Variants in C1QTNF1 observed in about 807,000 individuals in gnomAD.
C1QTNF1 encodes complement C1q tumor necrosis factor-related protein 1.
C1QTNF1 carries 22 observed loss-of-function variants against 27.8 expected under a neutral mutation model. The observed-to-expected ratio is 0.79, with a 90% CI of 0.56 to 1.13. The LOEUF (loss-of-function observed/expected upper bound fraction) is 1.13, where lower values mean the gene tolerates loss of function less well. C1QTNF1 is among the 50% of genes most tolerant of loss of function. The probability of loss-of-function intolerance (pLI) is 0.00; values close to 1 mark genes in which losing one functional copy is unlikely to be tolerated. For synonymous variants in C1QTNF1, 166 were observed against 154.3 expected (o/e 1.08, Z -0.56); for missense variants, 373 against 380.2 (o/e 0.98, Z 0.16).
rs760309832 is a variant in C1QTNF1, at chr17:79,046,728, C to G, written c.295+34C>G. On this transcript the variant is annotated intron_variant, in intron 3 of 3. Transcript: ENST00000579760. This position sits in a 1 kb window ranked among gnomAD's most constrained non-coding sequence, Gnocchi z 4.8. The stretch of plus-strand genomic sequence containing the variant: ...GCTGCAAAGACAAGCACGGGGTGGC[C>G]GGGCTGCTCTGTGCTGATCCGGAGG... The G allele has an allele frequency of 2.5e-5, 41 of 1,613,248 alleles. 1 individual carries two copies. The highest frequency in any genetic ancestry group is 9.3e-5 in the African/African-American group (7 of 75,028).
At chr17:79,043,400 T>G in intron 1 of C1QTNF1, 1 of 451,496 alleles carries the variant, frequency 2.2e-6, no homozygotes, top group South Asian at 1.6e-5. Flanking sequence ...TGTATGTGCA[T>G]GTGAGTGTGA....
chr17:79,048,099 ACCT>A lies in C1QTNF1; in HGVS notation c.*15_*17del. The A allele has an allele frequency of 6.7e-7, 1 of 1,499,246 alleles. No homozygotes were observed. Among genetic ancestry groups the A allele is most frequent in the Non-Finnish European group, 8.8e-7 (1 of 1,130,498 alleles). 92.9% of individuals were successfully genotyped at this position (1,499,246 alleles called of 1,614,324 possible). A position where few individuals can be genotyped will look rare whatever the true frequency, so the allele number is the denominator to read the frequency against. ...GCCACCGAGCCCTAGCTGGCCGGCCACCTCCTTTCCTCTCGCCACCTTCCACCC... is the reference window on the plus strand; with the variant it reads ...GCCACCGAGCCCTAGCTGGCCGGCCACCTTTCCTCTCGCCACCTTCCACCC... On this transcript the variant is annotated 3_prime_UTR_variant, in exon 4 of 4. Transcript: ENST00000579760.
Position 79,045,090 on chromosome 17 carries a change from C to T in C1QTNF1, c.155+967C>T, listed in dbSNP as rs909342141. 2.0e-5 allele frequency among the ~76,000 whole-genome samples: 3 copies of T among 152,002 alleles called. No homozygotes were observed. The South Asian group carries it at 6.2e-4, about 31-fold the overall frequency. ...CTTTGTAGTAGGGGTGTACCCATGACGCTGGAGGCAGGGCCAGGAGAGGGA... is the reference window on the plus strand; with the variant it reads ...CTTTGTAGTAGGGGTGTACCCATGATGCTGGAGGCAGGGCCAGGAGAGGGA... On this transcript the variant is annotated intron_variant, in intron 2 of 3. Transcript: ENST00000579760.
chr17:79,048,238 T>C lies in C1QTNF1; in HGVS notation c.*150T>C. 1.3e-6 allele frequency: 1 copy of C among 776,474 alleles called. No homozygotes were observed. The highest frequency in any genetic ancestry group is 2.0e-6 in the Non-Finnish European group (1 of 509,682). The allele number at this position is 776,474 out of a possible 1,614,324, so 48.1% of individuals were successfully genotyped here. ...CACAGAAAGCCAAAGCGATCGGTGC[T>C]CCCAGATCCCGCAGCCTCTGGAGAG... On this transcript the variant is annotated 3_prime_UTR_variant, in exon 4 of 4. Transcript: ENST00000579760.
At chr17:79,032,595 C>T (rs1025222575) in intron 1 of C1QTNF1, among the ~76,000 whole-genome samples, 6 of 152,040 alleles carry the variant, frequency 3.9e-5, no homozygotes, top group African/African-American at 1.4e-4. Context: ...AGGGGGCTGG[C>T]GATGGATGAG....
intron 1 of C1QTNF1, among the ~76,000 whole-genome samples, chr17:79,039,502 A>C (rs1010373026): frequency 1.3e-5 from 2 of 152,130 alleles, no homozygotes; most frequent in African/African-American, 4.8e-5. Flanking sequence ...AAAATACAAA[A>C]ATTAGCCGGG....
At chr17:79,045,562 C>A (rs1471839192) in intron 2 of C1QTNF1, among the ~76,000 whole-genome samples, 2 of 152,126 alleles carry the variant, frequency 1.3e-5, no homozygotes, top group East Asian at 3.9e-4. Flanking sequence ...TGCCTTTTGG[C>A]TGGGAGCCCA....
intron 1 of C1QTNF1, chr17:79,025,958 T>G: frequency 2.3e-6 from 1 of 433,276 alleles, no homozygotes; most frequent in Non-Finnish European, 4.7e-6. Context: ...GCTTCTCACA[T>G]GGCAGGCGCT....
At chr17:79,031,554 C>A (rs573976275) in intron 1 of C1QTNF1, among the ~76,000 whole-genome samples, 65 of 152,188 alleles carry the variant, frequency 4.3e-4, no homozygotes, top group Non-Finnish European at 6.5e-4. Context: ...TCAAGCAATT[C>A]TCCTGCCTCA....
In C1QTNF1 at chr17:79,046,888, A is replaced by G. The variant is rs2145933229; in HGVS notation, c.295+194A>G. 4 of 722,404 alleles carry G rather than the reference A, an allele frequency of 5.5e-6. No homozygotes were observed. Among genetic ancestry groups the G allele is most frequent in the Non-Finnish European group, 8.7e-6 (4 of 457,932 alleles). 44.7% of individuals were successfully genotyped at this position (722,404 alleles called of 1,614,324 possible). On this transcript the variant is annotated intron_variant, in intron 3 of 3. Transcript: ENST00000579760. The surrounding 1 kb of genome is among the most constrained non-coding windows in gnomAD (Gnocchi z 4.8). ...GATTTTGAGGCTCTGGCCCCTCTCCAAGAGGAGGGGTTGGAAAGGGGCCCA... is the reference window on the plus strand; with the variant it reads ...GATTTTGAGGCTCTGGCCCCTCTCCGAGAGGAGGGGTTGGAAAGGGGCCCA...
rs1382722292 is a variant in C1QTNF1, at chr17:79,048,356, C to A, written c.*268C>A. ...TCTCTGCACACATCCTCAAGTGACC[C>A]CGCACGGCGAGACGCGGGTGGCGGC... On this transcript the variant is annotated 3_prime_UTR_variant, in exon 4 of 4. Coordinates refer to ENST00000579760, the MANE Select transcript of C1QTNF1 (RefSeq NM_030968.5). 1 of 390,104 alleles carries A rather than the reference C, an allele frequency of 2.6e-6. No individual in the cohort carries two copies. Among genetic ancestry groups the A allele is most frequent in the Non-Finnish European group, 4.5e-6 (1 of 220,578 alleles). 24.2% of individuals were successfully genotyped at this position (390,104 alleles called of 1,614,324 possible).
intron 1 of C1QTNF1, chr17:79,034,190 G>C (rs1263136166): frequency 6.6e-6 from 1 of 152,474 alleles, no homozygotes; most frequent in Non-Finnish European, 1.5e-5. Context: ...CCTCTGTTTT[G>C]GGAGCGGTCG....
rs565167757 is a variant in C1QTNF1 at position 79,035,074 on chromosome 17, C to T, written c.-14-8881C>T. The stretch of plus-strand genomic sequence containing the variant: ...ACTCTGCCCGCCTCCTGCCCATCAC[C>T]GGAGGAGTTTGGTCATTGGGCAATT... On this transcript the variant is annotated intron_variant, in intron 1 of 3. Coordinates refer to ENST00000579760, the MANE Select transcript of C1QTNF1 (RefSeq NM_030968.5). 6.4e-4 allele frequency among the ~76,000 whole-genome samples: 98 copies of T among 152,262 alleles called. 1 individual carries two copies. The highest frequency in any genetic ancestry group is 2.0e-3 in the African/African-American group (83 of 41,552).
chr17:79,026,549 A>G (rs1481029878), intron 1 of C1QTNF1, among the ~76,000 whole-genome samples: 2 of 152,224 alleles, frequency 1.3e-5, no homozygotes, highest in Admixed American at 1.3e-4. Flanking sequence ...CCCAGCTGCT[A>G]ACAGAGAATG....
Position 79,048,236 on chromosome 17 carries a change from G to A in C1QTNF1, c.*148G>A. 1.3e-6 allele frequency: 1 copy of A among 795,878 alleles called. No homozygotes were observed. The highest frequency in any genetic ancestry group is 1.9e-6 in the Non-Finnish European group (1 of 526,432). The allele number at this position is 795,878 out of a possible 1,614,324, so 49.3% of individuals were successfully genotyped here. ...CACACAGAAAGCCAAAGCGATCGGT[G>A]CTCCCAGATCCCGCAGCCTCTGGAG... On this transcript the variant is annotated 3_prime_UTR_variant, in exon 4 of 4. Coordinates refer to ENST00000579760, the MANE Select transcript of C1QTNF1 (RefSeq NM_030968.5).
At chr17:79,038,012 C>T (rs145731828) in intron 1 of C1QTNF1, among the ~76,000 whole-genome samples, 38 of 149,152 alleles carry the variant, frequency 2.5e-4, no homozygotes, top group East Asian at 4.0e-4. Flanking sequence ...TTTTTTGAGA[C>T]GGAGTCTCAC....
At chr17:79,028,894 G>A (rs899381883) in intron 1 of C1QTNF1, among the ~76,000 whole-genome samples, 22 of 152,022 alleles carry the variant, frequency 1.4e-4, no homozygotes, top group African/African-American at 5.3e-4. Flanking sequence ...GTGTGTGTGT[G>A]TGTGTGTGTG....
intron 1 of C1QTNF1, among the ~76,000 whole-genome samples, chr17:79,028,296 C>T (rs1211470734): frequency 6.6e-6 from 1 of 152,212 alleles, no homozygotes; most frequent in African/African-American, 2.4e-5. Flanking sequence ...TGGGTTGTAC[C>T]CATCCCCCTC....
chr17:79,035,282 G>C (rs571570496), intron 1 of C1QTNF1, among the ~76,000 whole-genome samples: 1 of 152,140 alleles, frequency 6.6e-6, no homozygotes, highest in East Asian at 1.9e-4. Context: ...TCAGAGCCGA[G>C]GGGGAGTGGA....
Sources: gnomAD v4.1 joint callset for allele counts (sites outside exome capture counted in the v4.1 genomes callset) on GRCh38, gnomAD v4.1.1 for gene constraint, Gnocchi (gnomAD v3.1) non-coding constraint, MANE v1.5 for transcripts, NCBI Gene and HGNC (gene_info 2026-07-23, HGNC 2026-07-21) for gene names.